Variants in TOMM70 observed in about 807,000 individuals in gnomAD.
The protein encoded by TOMM70 is translocase of outer mitochondrial membrane 70, also known as mitochondrial import receptor subunit TOM70.
Under a neutral mutation model 73.6 loss-of-function variants are expected in TOMM70, and 13 were observed. The observed-to-expected ratio is 0.18, with a 90% CI of 0.11 to 0.28. TOMM70 has a LOEUF of 0.28. TOMM70 is among the 10% of genes least tolerant of loss of function. TOMM70 has a pLI of 1.00. For missense variants in TOMM70, 609 were observed against 747.5 expected, an observed-to-expected ratio of 0.81 and a Z score of 2.16; for synonymous variants, 257 against 271.2, an observed-to-expected ratio of 0.95 and a Z score of 0.51.
intron 5 of TOMM70, among the ~76,000 whole-genome samples, chr3:100,380,815 A>G (rs1706625230): frequency 6.6e-6 from 1 of 152,230 alleles, no homozygotes; most frequent in Non-Finnish European, 1.5e-5. Flanking sequence ...TTCTCTTAAA[A>G]GGTCAATAGC....
chr3:100,398,558 G>T (rs1192737301), intron 1 of TOMM70, among the ~76,000 whole-genome samples: 1 of 152,100 alleles, frequency 6.6e-6, no homozygotes. Flanking sequence ...ATCCAAAATT[G>T]ATGTAAGACA....
At chr3:100,387,126 T>A (rs1706700518) in intron 1 of TOMM70, 148 bp from the exon 2 acceptor site, 1 of 815,110 alleles carries the variant, frequency 1.2e-6, no homozygotes, top group Non-Finnish European at 1.9e-6. Flanking sequence ...ATGGAATAGA[T>A]TCTAACTAGT....
chr3:100,386,005 T>C (rs561335708), intron 3 of TOMM70, among the ~76,000 whole-genome samples: 10 of 152,284 alleles, frequency 6.6e-5, no homozygotes, highest in African/African-American at 2.4e-4. Context: ...AAACTCCTAA[T>C]CTTAATAGTC....
At chr3:100,389,658 T>C (rs1576217339) in intron 1 of TOMM70, among the ~76,000 whole-genome samples, 1 of 107,810 alleles carries the variant, frequency 9.3e-6, no homozygotes, top group African/African-American at 2.6e-5. Flanking sequence ...AAGCATCACA[T>C]GATGTCCAGA....
chr3:100,365,558 C>G lies in TOMM70; in HGVS notation c.*6G>C. ...AAAAAGAGGGTCAGTCTGCTTTCCC[C>G]CTGTTTTATAATGTTGGTGGTTTTA... On this transcript the variant is annotated 3_prime_UTR_variant, in exon 12 of 12. Transcript: ENST00000284320. The G allele has an allele frequency of 6.2e-7, 1 of 1,614,114 alleles. No individual in the cohort carries two copies. The highest frequency in any genetic ancestry group is 8.5e-7 in the Non-Finnish European group (1 of 1,179,978).
intron 1 of TOMM70, among the ~76,000 whole-genome samples, chr3:100,390,525 TAA>T (rs1706746500): frequency 6.6e-6 from 1 of 152,134 alleles, no homozygotes; most frequent in Admixed American, 6.5e-5. Context: ...GTTAGATGTA[TAA>T]AAGTATAGCA....
At chr3:100,366,156 G>T (rs1228770039) in intron 11 of TOMM70, among the ~76,000 whole-genome samples, 1 of 152,100 alleles carries the variant, frequency 6.6e-6, no homozygotes, top group Non-Finnish European at 1.5e-5. Flanking sequence ...GACATGCAAG[G>T]GCCTTACCTT....
rs773297206 is a variant in TOMM70 at position 100,369,095 on chromosome 3, A to G, written c.1493T>C (p.Met498Thr). 60 of 1,613,534 alleles carry G rather than the reference A, an allele frequency of 3.7e-5. No homozygotes were observed. Among genetic ancestry groups the G allele is most frequent in the Non-Finnish European group, 5.0e-5 (59 of 1,179,708 alleles). Residue 498 changes from methionine to threonine, a missense_variant, in exon 10 of 12, where the codon ATG (methionine) becomes ACG (threonine). Around this residue, in one of 2 missense-constraint regions of TOMM70, gnomAD observed 432 missense variants for 584.1 expected, o/e 0.74. Transcript: ENST00000284320. The part of the protein sequence containing the change: ...DQQQFGKADE[M>T]YDKCIDLEPD... The stretch of plus-strand genomic sequence containing the variant: ...TTCCAAATCAATACATTTATCATAC[A>G]TTTCATCAGCTTTACCAAACTGTTG...
At chr3:100,399,042 G>T (rs1706857156) in intron 1 of TOMM70, among the ~76,000 whole-genome samples, 1 of 152,152 alleles carries the variant, frequency 6.6e-6, no homozygotes, top group South Asian at 2.1e-4. Context: ...AGCACTTTGG[G>T]AGGCCAAGAT....
intron 5 of TOMM70, among the ~76,000 whole-genome samples, chr3:100,380,610 G>C (rs1706622610): frequency 6.6e-6 from 1 of 152,196 alleles, no homozygotes; most frequent in African/African-American, 2.4e-5. Flanking sequence ...AAAGCTTTTA[G>C]AATAATGGTA....
chr3:100,366,180 G>A (rs776165370), intron 11 of TOMM70, among the ~76,000 whole-genome samples: 15 of 152,116 alleles, frequency 9.9e-5, no homozygotes, highest in Non-Finnish European at 2.1e-4. Flanking sequence ...AGACTGATGT[G>A]GGCCCACCTC....
At position 100,376,369 on chromosome 3, in the gene TOMM70, G is replaced by GTTTTTTTTTTTTTTTTTTT. The variant is rs141227349; in HGVS notation, c.1093-1218_1093-1217insAAAAAAAAAAAAAAAAAAA. ...CTTGATGGTGTCTTTTCACACAGAAGTTTTTTTTTTTTTTTGAGACAGGAT... is the reference window on the plus strand; with the variant it reads ...CTTGATGGTGTCTTTTCACACAGAAGTTTTTTTTTTTTTTTTTTTTTTTTTTTTTTTTTTGAGACAGGAT... On this transcript the variant is annotated intron_variant, in intron 6 of 11. Coordinates refer to ENST00000284320, the MANE Select transcript of TOMM70 (RefSeq NM_014820.5). Among the ~76,000 whole-genome samples, 46 of 121,758 alleles carry GTTTTTTTTTTTTTTTTTTT rather than the reference G, an allele frequency of 3.8e-4. 2 individuals carry two copies. Among genetic ancestry groups the GTTTTTTTTTTTTTTTTTTT allele is most frequent in the African/African-American group, 1.5e-3 (41 of 27,054 alleles). 79.9% of individuals were successfully genotyped at this position (121,758 alleles called of 152,430 possible).
chr3:100,374,946 A>G (rs962725580), intron 7 of TOMM70, 72 bp downstream of exon 7: 18 of 1,424,574 alleles, frequency 1.3e-5, no homozygotes, highest in Admixed American at 5.4e-5. Flanking sequence ...AGAAAATTAC[A>G]TAAGAAATTC....
At chr3:100,373,440 A>G in intron 8 of TOMM70, 98 bp downstream of exon 8, 4 of 962,350 alleles carry the variant, frequency 4.2e-6, no homozygotes, top group Non-Finnish European at 6.1e-6. Context: ...TGGGAAAGAA[A>G]GAAAAAGACG....
chr3:100,369,522 T>C (rs373909224), intron 9 of TOMM70, among the ~76,000 whole-genome samples: 3 of 149,560 alleles, frequency 2.0e-5, no homozygotes, highest in African/African-American at 7.4e-5. Context: ...TTTTTTGAGA[T>C]AGAGTTTCAT....
chr3:100,390,753 T>C (rs1450075091), intron 1 of TOMM70, among the ~76,000 whole-genome samples: 1 of 151,526 alleles, frequency 6.6e-6, no homozygotes, highest in Non-Finnish European at 1.5e-5. Flanking sequence ...CACGCGAACC[T>C]GGGAGGCAGA....
At chr3:100,366,996 A>T (rs1706453453) in intron 11 of TOMM70, among the ~76,000 whole-genome samples, 8 of 152,308 alleles carry the variant, frequency 5.3e-5, no homozygotes. Flanking sequence ...GAGATGGGCA[A>T]ATCACTTGAG....
chr3:100,396,324 T>C (rs1376149671), intron 1 of TOMM70, among the ~76,000 whole-genome samples: 2 of 152,220 alleles, frequency 1.3e-5, no homozygotes, highest in Admixed American at 6.5e-5. Flanking sequence ...CTGGCTTAGA[T>C]TATTGGTTCC....
chr3:100,381,798 G>A, intron 4 of TOMM70, 35 bp from the exon 5 acceptor site: 3 of 1,543,610 alleles, frequency 1.9e-6, no homozygotes, highest in Non-Finnish European at 1.8e-6. Context: ...CATCAGGATG[G>A]GAAATACCAA....
Sources: gnomAD v4.1 joint callset for allele counts (sites outside exome capture counted in the v4.1 genomes callset) on GRCh38, gnomAD v4.1.1 for gene constraint, gnomAD v4.1.1 regional missense constraint, MANE v1.5 for transcripts, NCBI Gene and HGNC (gene_info 2026-07-23, HGNC 2026-07-21) for gene names.